The following ZFYVE9 variants were observed in gnomAD, a reference collection of about 807,000 sequenced individuals.
ZFYVE9 encodes zinc finger FYVE-type containing 9, also known as zinc finger FYVE domain-containing protein 9.
In ZFYVE9, 43 loss-of-function variants were observed where a neutral mutation model predicts 126.7. The ratio of observed to expected loss-of-function variants is 0.34; its 90% CI spans 0.27 to 0.44. ZFYVE9 has a LOEUF of 0.44. ZFYVE9 is among the 20% of genes least tolerant of loss of function. The pLI is 1.00. For missense variants in ZFYVE9, 1,476 were observed against 1,697.0 expected (o/e 0.87, Z 2.29); for synonymous variants, 521 against 597.4 (o/e 0.87, Z 1.87).
chr1:52,198,678 G>C (rs901610424), intron 1 of ZFYVE9, among the ~76,000 whole-genome samples: 2 of 152,106 alleles, frequency 1.3e-5, no homozygotes, highest in Non-Finnish European at 2.9e-5. Context: ...GCATTGACTG[G>C]ATCAGTAGTG....
intron 1 of ZFYVE9, among the ~76,000 whole-genome samples, chr1:52,181,782 C>G (rs1557442317): frequency 6.6e-6 from 1 of 152,044 alleles, no homozygotes; most frequent in South Asian, 2.1e-4. Context: ...GCGACCCCGT[C>G]TGGGAGGTGA....
At chr1:52,254,720 C>T (rs1037940165) in intron 4 of ZFYVE9, among the ~76,000 whole-genome samples, 6 of 151,814 alleles carry the variant, frequency 4.0e-5, no homozygotes, top group Admixed American at 3.9e-4. Flanking sequence ...TAATCCCAGC[C>T]CTTTGGGAGG....
chr1:52,161,937 CA>C (rs760164661), intron 1 of ZFYVE9, among the ~76,000 whole-genome samples: 5,142 of 131,890 alleles, frequency 0.039, 229 homozygotes, highest in African/African-American at 0.11. Context: ...TTAGTAAAAG[CA>C]AAAAAAAAAA....
chr1:52,283,315 T>C (rs2147818610), intron 10 of ZFYVE9, among the ~76,000 whole-genome samples: 1 of 152,312 alleles, frequency 6.6e-6, no homozygotes, highest in East Asian at 1.9e-4. Context: ...CATGAATGTC[T>C]TATTTAGGAG....
intron 1 of ZFYVE9, among the ~76,000 whole-genome samples, chr1:52,169,973 A>T (rs949685046): frequency 1.3e-5 from 2 of 152,186 alleles, no homozygotes; most frequent in African/African-American, 4.8e-5. Context: ...TGTAACAGTT[A>T]CATACGTTGG....
intron 1 of ZFYVE9, among the ~76,000 whole-genome samples, chr1:52,148,158 T>C (rs993514125): frequency 2.0e-5 from 3 of 152,074 alleles, no homozygotes; most frequent in East Asian, 1.9e-4. Flanking sequence ...TCTTTGATGA[T>C]AGGGAATGTT....
chr1:52,242,031 CTTTTTTTTTTTTT>C (rs975430437), intron 4 of ZFYVE9, among the ~76,000 whole-genome samples: 2 of 106,440 alleles, frequency 1.9e-5, no homozygotes. Flanking sequence ...TCATGGCAAT[CTTTTTTTTTTTTT>C]TTTTTTTTTT....
intron 4 of ZFYVE9, among the ~76,000 whole-genome samples, chr1:52,242,318 C>G (rs1028020256): frequency 6.6e-6 from 1 of 152,160 alleles, no homozygotes; most frequent in African/African-American, 2.4e-5. Flanking sequence ...AGACATGAGC[C>G]ACTGCGCCTG....
chr1:52,205,526 G>A (rs900775478), intron 1 of ZFYVE9, among the ~76,000 whole-genome samples: 4 of 147,246 alleles, frequency 2.7e-5, no homozygotes, highest in African/African-American at 1.1e-4. Flanking sequence ...ACCATGCCTG[G>A]CTAATTAAAT....
At chr1:52,333,012 A>G (rs1010951680) in intron 14 of ZFYVE9, 94 bp downstream of exon 14, 12 of 1,472,702 alleles carry the variant, frequency 8.1e-6, no homozygotes, top group Middle Eastern at 1.7e-4. Context: ...CACTTTCTAG[A>G]TAGGTGACCA....
intron 5 of ZFYVE9, among the ~76,000 whole-genome samples, chr1:52,264,777 A>G (rs935679210): frequency 2.6e-5 from 4 of 152,184 alleles, no homozygotes; most frequent in Admixed American, 2.6e-4. Flanking sequence ...TTGCTGGCTT[A>G]TTAACCTGTT....
chr1:52,290,878 T>G (rs1243433244), intron 10 of ZFYVE9, among the ~76,000 whole-genome samples: 1 of 152,212 alleles, frequency 6.6e-6, no homozygotes, highest in Admixed American at 6.5e-5. Flanking sequence ...ATTTATTCTT[T>G]ATAACACATC....
intron 5 of ZFYVE9, among the ~76,000 whole-genome samples, chr1:52,266,322 T>C (rs1025946198): frequency 1.3e-5 from 2 of 149,654 alleles, no homozygotes; most frequent in South Asian, 2.1e-4. Flanking sequence ...TGGTCTTGAT[T>C]TCCTGACCTC....
At chr1:52,219,175 G>A (rs1645099832) in intron 2 of ZFYVE9, among the ~76,000 whole-genome samples, 1 of 152,052 alleles carries the variant, frequency 6.6e-6, no homozygotes. Context: ...GGGGGCAGAG[G>A]TACTTTTCTG....
rs570146264 is a variant in ZFYVE9, at chr1:52,293,484, C to T, written c.3057C>T (p.Phe1019=). The change falls in exon 11 of 19, where the codon TTC becomes TTT. Residue 1019 remains phenylalanine, a synonymous_variant. Coordinates refer to ENST00000287727, the MANE Select transcript of ZFYVE9 (RefSeq NM_004799.4). Reference sequence around the variant, plus strand: ...TGGTGAGCAACTTGGGACATTCCTTCTTCAGTCAAAGTTTCCTTGGCAGTA... The same window carrying T: ...TGGTGAGCAACTTGGGACATTCCTTTTTCAGTCAAAGTTTCCTTGGCAGTA... ...GNVVSNLGHS[F]FSQSFLGSKE... 73 of 1,611,382 alleles carry T rather than the reference C, an allele frequency of 4.5e-5. No individual in the cohort carries two copies. The highest frequency in any genetic ancestry group is 5.7e-5 in the Non-Finnish European group (67 of 1,178,930).
At chr1:52,223,754 T>C (rs1234303978) in intron 2 of ZFYVE9, among the ~76,000 whole-genome samples, 1 of 152,182 alleles carries the variant, frequency 6.6e-6, no homozygotes, top group Non-Finnish European at 1.5e-5. Context: ...GTCCCTGAGA[T>C]CTCTCATGTT....
intron 13 of ZFYVE9, 40 bp from the exon 14 acceptor site, chr1:52,332,728 G>C: frequency 6.3e-7 from 1 of 1,594,110 alleles, no homozygotes; most frequent in Non-Finnish European, 8.5e-7. Context: ...ACAGAAAAAT[G>C]CCCATTCTTG....
chr1:52,227,119 G>A (rs763720847), intron 2 of ZFYVE9, among the ~76,000 whole-genome samples: 2 of 152,234 alleles, frequency 1.3e-5, no homozygotes, highest in African/African-American at 2.4e-5. Flanking sequence ...TGAGTTATCT[G>A]ACTTTTCCAT....
In ZFYVE9 at chr1:52,196,901, A is replaced by G. The variant is rs1644865910; in HGVS notation, c.-142-19468A>G. Among the ~76,000 whole-genome samples the G allele has an allele frequency of 2.0e-5, 3 of 152,288 alleles. No homozygotes were observed. In the South Asian group the frequency reaches 6.2e-4, roughly 32 times the overall value. ...AAAGTATAAACTGGAGAGGTAGGCA[A>G]GTGTTAAAATTGTGCCAGACCTCAT... On this transcript the variant is annotated intron_variant, in intron 1 of 18. Coordinates refer to ENST00000287727, the MANE Select transcript of ZFYVE9 (RefSeq NM_004799.4).
Sources: allele counts gnomAD v4.1 joint callset (sites outside exome capture counted in the v4.1 genomes callset), GRCh38; gene constraint gnomAD v4.1.1; transcripts MANE v1.5; gene names NCBI Gene and HGNC (gene_info 2026-07-23, HGNC 2026-07-21).